SH3GL2: variants seen among roughly 807,000 people sequenced by gnomAD.
The protein encoded by SH3GL2 is SH3 domain containing GRB2 like 2, endophilin A1, also known as endophilin-A1.
SH3GL2 carries 24 observed loss-of-function variants against 46.0 expected under a neutral mutation model. The observed-to-expected ratio is 0.52, with a 90% CI of 0.38 to 0.73. The LOEUF (loss-of-function observed/expected upper bound fraction) is 0.73, where lower values mean the gene tolerates loss of function less well. Among genes scored for constraint, SH3GL2 ranks in the 30% least tolerant of loss-of-function variants. The pLI, the probability that SH3GL2 is intolerant of heterozygous loss-of-function variation, is 0.00. For synonymous variants in SH3GL2, 196 were observed against 147.1 expected (o/e 1.33, Z -2.40); for missense variants, 413 against 424.2 (o/e 0.97, Z 0.23).
Position 17,728,717 on chromosome 9 carries a change from C to CTA in SH3GL2, c.46-18349_46-18348insTA, listed in dbSNP as rs1325350688. Among the ~76,000 whole-genome samples, 4 of 152,234 alleles carry CTA rather than the reference C, an allele frequency of 2.6e-5. No individual in the cohort carries two copies. In the East Asian group the frequency reaches 7.8e-4, roughly 30 times the overall value. On this transcript the variant is annotated intron_variant, in intron 1 of 8. Transcript: ENST00000380607. ...TTCAGCTCCCACTTATTAGTGAGAA[C>CTA]ATGCAGTGTTTGGTTTTCTGTTCTA...
intron 1 of SH3GL2, among the ~76,000 whole-genome samples, chr9:17,707,216 C>T (rs1821493699): frequency 6.6e-6 from 1 of 152,052 alleles, no homozygotes; most frequent in African/African-American, 2.4e-5. Context: ...GTTGTGGTCT[C>T]ATTAGAGAAT....
At position 17,756,108 on chromosome 9, in the gene SH3GL2, G is replaced by A. The variant is rs561180454; in HGVS notation, c.115-5329G>A. The stretch of plus-strand genomic sequence containing the variant: ...AAACACAAAAGCGTCCATTGACAGC[G>A]TTTAAATGAATAAGTATGGCTGTTT... On this transcript the variant is annotated intron_variant, in intron 2 of 8. Transcript: ENST00000380607. Among the ~76,000 whole-genome samples the A allele has an allele frequency of 7.5e-4, 114 of 152,174 alleles. 1 individual carries two copies. The highest frequency in any genetic ancestry group is 2.1e-3 in the African/African-American group (88 of 41,520).
chr9:17,580,867 C>G (rs1285353237), intron 1 of SH3GL2, among the ~76,000 whole-genome samples: 1 of 152,140 alleles, frequency 6.6e-6, no homozygotes, highest in Non-Finnish European at 1.5e-5. Context: ...CACTTGGATT[C>G]TAAAGATTTC....
At chr9:17,684,109 A>G (rs2118068795) in intron 1 of SH3GL2, among the ~76,000 whole-genome samples, 1 of 152,302 alleles carries the variant, frequency 6.6e-6, no homozygotes, top group East Asian at 1.9e-4. Flanking sequence ...CAATAGAACC[A>G]GACTCAGATA....
chr9:17,611,598 T>C (rs1161891900), intron 1 of SH3GL2, among the ~76,000 whole-genome samples: 2 of 152,228 alleles, frequency 1.3e-5, no homozygotes, highest in Non-Finnish European at 2.9e-5. Context: ...TCCCTGTTAC[T>C]GAGTTCATGA....
intron 1 of SH3GL2, among the ~76,000 whole-genome samples, chr9:17,652,786 A>G (rs1415820243): frequency 1.3e-5 from 2 of 152,176 alleles, no homozygotes; most frequent in African/African-American, 2.4e-5. Context: ...ATCAGTTGCT[A>G]TGGGAAACAT....
intron 1 of SH3GL2, among the ~76,000 whole-genome samples, chr9:17,655,479 T>G (rs145572416): frequency 9.2e-4 from 140 of 152,316 alleles, no homozygotes; most frequent in Admixed American, 1.3e-3. Flanking sequence ...CATGATATGT[T>G]TTATAAGATG....
chr9:17,786,278 T>C, intron 3 of SH3GL2, 103 bp from the exon 4 acceptor site: 1 of 1,053,300 alleles, frequency 9.5e-7, no homozygotes, highest in Non-Finnish European at 1.4e-6. Context: ...TATCAGTAGC[T>C]GAGCTACTTT....
chr9:17,769,065 A>T (rs1030384305), intron 3 of SH3GL2, among the ~76,000 whole-genome samples: 3 of 152,148 alleles, frequency 2.0e-5, no homozygotes, highest in Non-Finnish European at 4.4e-5. Flanking sequence ...TGTCTTCTCA[A>T]AGCCTTCGCT....
intron 1 of SH3GL2, among the ~76,000 whole-genome samples, chr9:17,613,664 T>C (rs1818918796): frequency 6.6e-6 from 1 of 152,158 alleles, no homozygotes; most frequent in African/African-American, 2.4e-5. Context: ...GAGAAAATCT[T>C]GGTTTGGCTC....
chr9:17,607,032 G>A (rs1055498788), intron 1 of SH3GL2, among the ~76,000 whole-genome samples: 17 of 152,128 alleles, frequency 1.1e-4, no homozygotes, highest in African/African-American at 2.7e-4. Context: ...TCATAAGGCC[G>A]GTTATCGAGG....
At chr9:17,675,586 G>T (rs772153668) in intron 1 of SH3GL2, among the ~76,000 whole-genome samples, 9 of 152,168 alleles carry the variant, frequency 5.9e-5, no homozygotes, top group Non-Finnish European at 8.8e-5. Context: ...AGTAAAAAAG[G>T]TGCCTTAAGG....
intron 1 of SH3GL2, among the ~76,000 whole-genome samples, chr9:17,600,182 T>C (rs1277401163): frequency 6.6e-6 from 1 of 152,202 alleles, no homozygotes; most frequent in Non-Finnish European, 1.5e-5. Flanking sequence ...ACATGAACGC[T>C]GGAGTTTATT....
chr9:17,678,324 A>T (rs1820670019), intron 1 of SH3GL2, among the ~76,000 whole-genome samples: 1 of 152,128 alleles, frequency 6.6e-6, no homozygotes. Flanking sequence ...AATGATCGCC[A>T]TTGTAACTGG....
intron 1 of SH3GL2, among the ~76,000 whole-genome samples, chr9:17,723,235 T>C (rs1342380305): frequency 6.6e-6 from 1 of 152,132 alleles, no homozygotes; most frequent in Non-Finnish European, 1.5e-5. Flanking sequence ...TTAGTGTGCA[T>C]GGAGCCTTCT....
chr9:17,694,426 C>G (rs1821155903), intron 1 of SH3GL2, among the ~76,000 whole-genome samples: 1 of 152,078 alleles, frequency 6.6e-6, no homozygotes, highest in African/African-American at 2.4e-5. Context: ...CTTAACTGTT[C>G]TATTGTAAAA....
At chr9:17,772,564 A>G (rs146063726) in intron 3 of SH3GL2, among the ~76,000 whole-genome samples, 2 of 152,304 alleles carry the variant, frequency 1.3e-5, no homozygotes, top group Non-Finnish European at 2.9e-5. Context: ...TAATTATTCT[A>G]ATCACTTCAT....
chr9:17,630,712 G>C (rs950650934), intron 1 of SH3GL2, among the ~76,000 whole-genome samples: 2 of 152,180 alleles, frequency 1.3e-5, no homozygotes, highest in African/African-American at 4.8e-5. Context: ...CTACCTAACA[G>C]TTATTCTGGA....
chr9:17,591,684 G>A (rs913294240), intron 1 of SH3GL2, among the ~76,000 whole-genome samples: 6 of 152,074 alleles, frequency 3.9e-5, no homozygotes, highest in Non-Finnish European at 7.4e-5. Context: ...GTTCCTTTTC[G>A]GGTCTCAAAG....
Sources: allele counts gnomAD v4.1 joint callset (sites outside exome capture counted in the v4.1 genomes callset), GRCh38; gene constraint gnomAD v4.1.1; transcripts MANE v1.5; gene names NCBI Gene and HGNC (gene_info 2026-07-23, HGNC 2026-07-21).